Variants in NCR3LG1 observed in about 807,000 individuals in gnomAD.
NCR3LG1 encodes the protein natural cytotoxicity triggering receptor 3 ligand 1.
A neutral mutation model predicts 34.8 loss-of-function variants in NCR3LG1; 35 were observed. The ratio of observed to expected loss-of-function variants is 1.01; its 90% CI spans 0.77 to 1.33. The LOEUF is 1.33. NCR3LG1 is among the 40% of genes most tolerant of loss of function. The pLI, the probability that NCR3LG1 is intolerant of heterozygous loss-of-function variation, is 0.00. For missense variants in NCR3LG1, 452 were observed against 423.3 expected (o/e 1.07, Z -0.60); for synonymous variants, 173 against 163.6 (o/e 1.06, Z -0.44).
In NCR3LG1 at chr11:17,374,112, A is replaced by G. The variant is rs557198758; in HGVS notation, c.*1600A>G. 6 of 152,178 alleles carry G rather than the reference A, an allele frequency of 3.9e-5. No homozygotes were observed. Among genetic ancestry groups the G allele is most frequent in the East Asian group, 1.9e-4 (1 of 5,186 alleles). The allele number at this position is 152,178 out of a possible 1,614,324, so 9.4% of individuals were successfully genotyped here. A position where few individuals can be genotyped will look rare whatever the true frequency, so the allele number is the denominator to read the frequency against. ...CCAATATTAGGGGTGCAAAAATCCA[A>G]TGGGGAAGGGAGACTAGTTCAGGAC... On this transcript the variant is annotated 3_prime_UTR_variant, in exon 5 of 5. Coordinates refer to ENST00000338965, the MANE Select transcript of NCR3LG1 (RefSeq NM_001202439.3).
At chr11:17,380,729 A>G (rs1285360179), downstream of NCR3LG1, 1 of 152,216 alleles carries the variant, frequency 6.6e-6, no homozygotes, top group Non-Finnish European at 1.5e-5. Flanking sequence ...AGCTCAAGCT[A>G]TCCTCCTGCC....
At chr11:17,360,157 C>T (rs1404278929) in intron 2 of NCR3LG1, among the ~76,000 whole-genome samples, 2 of 152,150 alleles carry the variant, frequency 1.3e-5, no homozygotes, top group East Asian at 1.9e-4. Flanking sequence ...CTGCGTGTCT[C>T]GGCCTCCCAA....
intron 4 of NCR3LG1, 35 bp downstream of exon 4, chr11:17,368,999 C>T: frequency 7.3e-7 from 1 of 1,375,536 alleles, no homozygotes; most frequent in Non-Finnish European, 9.8e-7. Context: ...AGCCCTGTGT[C>T]TTGGGCTAGT....
At position 17,367,159 on chromosome 11, in the gene NCR3LG1, C is replaced by T. The variant is rs191529965; in HGVS notation, c.572C>T (p.Ser191Phe). The T allele has an allele frequency of 7.7e-4, 1,177 of 1,536,606 alleles. 9 individuals are homozygous for T. The African/African-American group carries it at 8.0e-3, about 10-fold the overall frequency. The change falls in exon 3 of 5, where the codon TCT becomes TTT. Residue 191 changes from serine (S) to phenylalanine (F), a missense_variant. Physicochemically the swap from Ser to Phe is radical, Grantham distance 155. Transcript: ENST00000338965. ...TQKFPHPIEISEDVITGPTIK... is the reference protein window; with the variant it reads ...TQKFPHPIEIFEDVITGPTIK... Reference sequence around the variant, plus strand: ...AAGTTTCCCCATCCCATAGAGATTTCTGAGGATGTCATCACTGGTCCCACC... The same window carrying T: ...AAGTTTCCCCATCCCATAGAGATTTTTGAGGATGTCATCACTGGTCCCACC...
At chr11:17,358,716 G>A (rs545082468) in intron 2 of NCR3LG1, among the ~76,000 whole-genome samples, 7 of 151,974 alleles carry the variant, frequency 4.6e-5, no homozygotes, top group Middle Eastern at 3.2e-3. Context: ...CTTCTGCATG[G>A]GAGATTTATC....
At position 17,368,843 on chromosome 11, in the gene NCR3LG1, A is replaced by G. The variant is rs558447140; in HGVS notation, c.761-24A>G. 10 of 1,462,906 alleles carry G rather than the reference A, an allele frequency of 6.8e-6. No individual in the cohort carries two copies. In the African/African-American group the frequency reaches 9.8e-5, roughly 14 times the overall value. The allele number at this position is 1,462,906 out of a possible 1,614,324, so 90.6% of individuals were successfully genotyped here. A position where few individuals can be genotyped will look rare whatever the true frequency, so the allele number is the denominator to read the frequency against. ...GGCCCTTGCCAGTAGGTTTCCTGCT[A>G]ATGTTTTCCTTCTCTCTCTGCAGAA... On this transcript the variant is annotated intron_variant, in intron 3 of 4. Coordinates refer to ENST00000338965, the MANE Select transcript of NCR3LG1 (RefSeq NM_001202439.3).
At position 17,376,432 on chromosome 11, in the gene NCR3LG1, A is replaced by G. The variant is rs1953478267; in HGVS notation, c.*3920A>G. The G allele has an allele frequency of 6.6e-6, 1 of 152,184 alleles. No homozygotes were observed. Among genetic ancestry groups the G allele is most frequent in the African/African-American group, 2.4e-5 (1 of 41,442 alleles). 9.4% of individuals were successfully genotyped at this position (152,184 alleles called of 1,614,324 possible). On this transcript the variant is annotated 3_prime_UTR_variant, in exon 5 of 5. Coordinates refer to ENST00000338965, the MANE Select transcript of NCR3LG1 (RefSeq NM_001202439.3). The stretch of plus-strand genomic sequence containing the variant: ...GGTTTGGTAATACGTCACACCCTTT[A>G]GCCTCTACTGTGTCAGCCATGTCCC...
At chr11:17,363,526 C>CCTTCCTTCCTTCCTTCCTTCCTTCCTT (rs1554898594) in intron 2 of NCR3LG1, among the ~76,000 whole-genome samples, 7 of 65,308 alleles carry the variant, frequency 1.1e-4, no homozygotes, top group African/African-American at 2.5e-4. Context: ...CTCCCTCCCT[C>CCTTCCTTCCTTCCTTCCTTCCTTCCTT]CCTCCCTCCC....
intron 1 of NCR3LG1, 150 bp downstream of exon 1, chr11:17,352,189 T>G (rs1438895820): frequency 3.8e-6 from 2 of 525,322 alleles, no homozygotes; most frequent in Admixed American, 8.0e-5. Context: ...TTTTTTTTTT[T>G]TTTTTTTTTG....
intron 2 of NCR3LG1, among the ~76,000 whole-genome samples, chr11:17,365,583 A>T (rs1953336527): frequency 6.6e-6 from 1 of 152,202 alleles, no homozygotes; most frequent in Non-Finnish European, 1.5e-5. Flanking sequence ...TAAGGCTCTG[A>T]CATCTTCCCT....
intron 2 of NCR3LG1, among the ~76,000 whole-genome samples, chr11:17,359,927 GTCT>G (rs1564855444): frequency 6.6e-6 from 1 of 151,842 alleles, no homozygotes; most frequent in Non-Finnish European, 1.5e-5. Context: ...CCATTCGTAT[GTCT>G]TCTTTTTTTG....
chr11:17,358,755 A>G (rs1195600094), intron 2 of NCR3LG1, among the ~76,000 whole-genome samples: 2 of 152,136 alleles, frequency 1.3e-5, no homozygotes. Flanking sequence ...ACTTTATTCA[A>G]TCATTGATAT....
At chr11:17,368,486 G>A (rs767182391) in intron 3 of NCR3LG1, among the ~76,000 whole-genome samples, 1 of 152,116 alleles carries the variant, frequency 6.6e-6, no homozygotes, top group Non-Finnish European at 1.5e-5. Context: ...CATGTGCAGG[G>A]ATGCAGGGAG....
chr11:17,367,546 T>C (rs2133358664), intron 3 of NCR3LG1, among the ~76,000 whole-genome samples, 199 bp downstream of exon 3: 1 of 152,214 alleles, frequency 6.6e-6, no homozygotes, highest in East Asian at 1.9e-4. Context: ...CCTGGGCAGA[T>C]GATGGTCTTA....
At chr11:17,357,056 A>G (rs1268707126) in intron 2 of NCR3LG1, 55 bp downstream of exon 2, 39 of 1,145,458 alleles carry the variant, frequency 3.4e-5, no homozygotes, top group Non-Finnish European at 4.3e-5. Context: ...GTTAGCAACA[A>G]CAAAACCCAC....
rs1490661713 is a variant in NCR3LG1, at chr11:17,372,247, T to G, written c.1100T>G (p.Val367Gly). Residue 367 changes from valine (V) to glycine (G), a missense_variant, in exon 5 of 5, where the codon GTG becomes GGG. Transcript: ENST00000338965. Reference sequence around the variant, plus strand: ...GGCAAATGGTCCGAGGTTCCTTATGTGCAAGCCTTCTTTGCCTTGCGAGAC... The same window carrying G: ...GGCAAATGGTCCGAGGTTCCTTATGGGCAAGCCTTCTTTGCCTTGCGAGAC... ...QEGKWSEVPY[V>G]QAFFALRDNP... 1.1e-5 allele frequency: 8 copies of G among 703,188 alleles called. No homozygotes were observed. Among genetic ancestry groups the G allele is most frequent in the Non-Finnish European group, 2.1e-5 (8 of 385,042 alleles). The allele number at this position is 703,188 out of a possible 1,614,324, so 43.6% of individuals were successfully genotyped here.
In NCR3LG1 at chr11:17,352,022, G is replaced by A; in HGVS notation, c.53G>A (p.Trp18Ter). Reference protein sequence around the residue: ...STCAALLILLWALTTEGDLKV... With the variant: ...STCAALLILL ...TGCGCGGCGCTCCTGATTCTGCTGT[G>A]GGCGCTGACGACCGAAGGTAGGGGG... Residue 18 changes from tryptophan (W) to a stop codon, truncating the protein, a stop_gained, in exon 1 of 5, where the codon TGG becomes TAG. Transcript: ENST00000338965. LOFTEE classifies it high-confidence loss of function. 1.2e-5 allele frequency: 18 copies of A among 1,518,962 alleles called. No individual in the cohort carries two copies. Among genetic ancestry groups the A allele is most frequent in the Non-Finnish European group, 1.5e-5 (17 of 1,138,550 alleles). 94.1% of individuals were successfully genotyped at this position (1,518,962 alleles called of 1,614,324 possible). A position where few individuals can be genotyped will look rare whatever the true frequency, so the allele number is the denominator to read the frequency against.
intron 2 of NCR3LG1, among the ~76,000 whole-genome samples, chr11:17,363,682 G>C (rs10832777): frequency 0.49 from 74,101 of 151,252 alleles, 18,909 homozygotes; most frequent in African/African-American, 0.64. Context: ...CTTCACCCTA[G>C]TGGGCTCAAG....
intron 2 of NCR3LG1, among the ~76,000 whole-genome samples, 187 bp from the exon 3 acceptor site, chr11:17,366,822 C>T (rs1388124741): frequency 1.3e-5 from 2 of 152,202 alleles, no homozygotes; most frequent in Non-Finnish European, 2.9e-5. Flanking sequence ...TATTGTAAAT[C>T]TCCAGCTCAT....
Sources: gnomAD v4.1 joint callset for allele counts (sites outside exome capture counted in the v4.1 genomes callset) on GRCh38, gnomAD v4.1.1 for gene constraint, MANE v1.5 for transcripts, NCBI Gene and HGNC (gene_info 2026-07-23, HGNC 2026-07-21) for gene names.